HECW2: variants seen among roughly 807,000 people sequenced by gnomAD.
HECW2 encodes the protein HECT, C2 and WW domain containing E3 ubiquitin protein ligase 2.
HECW2 carries 61 observed loss-of-function variants against 175.2 expected under a neutral mutation model. That is an observed-to-expected ratio of 0.35 (90% CI 0.28 to 0.43). The LOEUF is 0.43. Among genes scored for constraint, HECW2 ranks in the 20% least tolerant of loss-of-function variants. The probability of loss-of-function intolerance (pLI) is 1.00; values close to 1 mark genes in which losing one functional copy is unlikely to be tolerated. For synonymous variants in HECW2, 671 were observed against 731.0 expected, an observed-to-expected ratio of 0.92 and a Z score of 1.32; for missense variants, 1,524 against 2,000.5, an observed-to-expected ratio of 0.76 and a Z score of 4.54.
At chr2:196,417,797 G>C (rs1373574402) in intron 2 of HECW2, among the ~76,000 whole-genome samples, 2 of 152,172 alleles carry the variant, frequency 1.3e-5, no homozygotes, top group East Asian at 1.9e-4. Flanking sequence ...AAAAGTGGCT[G>C]TCATGGAGCC....
intron 1 of HECW2, among the ~76,000 whole-genome samples, chr2:196,511,125 C>A (rs1237605305): frequency 3.9e-5 from 6 of 152,056 alleles, no homozygotes; most frequent in Non-Finnish European, 8.8e-5. Flanking sequence ...ACCAGCACAC[C>A]CAGCTAATTT....
chr2:196,527,025 T>C (rs1397309514), intron 1 of HECW2, among the ~76,000 whole-genome samples: 2 of 152,194 alleles, frequency 1.3e-5, no homozygotes, highest in Non-Finnish European at 2.9e-5. Context: ...GCTTCCCGGC[T>C]GCTTTGTTTA....
chr2:196,414,527 C>T (rs1695201462), intron 2 of HECW2, among the ~76,000 whole-genome samples: 1 of 152,182 alleles, frequency 6.6e-6, no homozygotes, highest in South Asian at 2.1e-4. Context: ...CTCTCTTTCC[C>T]TCAAAGGGGC....
In HECW2 at chr2:196,222,241, C is replaced by T. The variant is rs778155321; in HGVS notation, c.4116G>A (p.Thr1372=). The change falls in exon 24 of 29, where the codon ACG becomes ACA. Residue 1372 remains threonine (T), a synonymous_variant. Coordinates refer to ENST00000644978, the MANE Select transcript of HECW2 (RefSeq NM_001348768.2). Reference sequence around the variant, plus strand: ...CAAATACTTCTTCGTTCACAGTGAACGTGAGGTCTAGGATGTCATGGATAT... The same window carrying T: ...CAAATACTTCTTCGTTCACAGTGAATGTGAGGTCTAGGATGTCATGGATAT... ...DNDIHDILDL[T]FTVNEEVFGQ... 2.9e-5 allele frequency: 47 copies of T among 1,613,514 alleles called. No individual in the cohort carries two copies. The highest frequency in any genetic ancestry group is 1.6e-4 in the Middle Eastern group (1 of 6,078).
intron 1 of HECW2, among the ~76,000 whole-genome samples, chr2:196,531,253 T>C (rs191423988): frequency 1.3e-5 from 2 of 152,350 alleles, no homozygotes; most frequent in East Asian, 3.9e-4. Context: ...AATTCCAAAC[T>C]ATTTCAGGAG....
rs79913342 is a variant in HECW2, at chr2:196,207,861, A to G, written c.4608-6473T>C. On this transcript the variant is annotated intron_variant, in intron 28 of 28. Transcript: ENST00000644978. ...TGTAAATACAAAGTGGAATATTCCC[A>G]TAGGGGGGAATTCCTGTATCTGGGG... Among the ~76,000 whole-genome samples, 71 of 152,352 alleles carry G rather than the reference A, an allele frequency of 4.7e-4. 2 individuals are homozygous for G. In the East Asian group the frequency reaches 0.011, roughly 24 times the overall value.
chr2:196,267,053 T>C (rs1689545404), intron 17 of HECW2, among the ~76,000 whole-genome samples: 1 of 152,168 alleles, frequency 6.6e-6, no homozygotes, highest in Admixed American at 6.5e-5. Context: ...ACAGATCATG[T>C]CCTCATGGTG....
rs1686637189 is a variant in HECW2, at chr2:196,194,894, A to G, written c.*6383T>C. On this transcript the variant is annotated 3_prime_UTR_variant, in exon 29 of 29. Transcript: ENST00000644978. ...TAAAAAAATACACCACCTGTGTTCT[A>G]CTGAAATCTTAGAAATAATTTTTTT... 6.6e-6 allele frequency: 1 copy of G among 152,216 alleles called. No homozygotes were observed. Among genetic ancestry groups the G allele is most frequent in the Admixed American group, 6.5e-5 (1 of 15,282 alleles). 9.4% of individuals were successfully genotyped at this position (152,216 alleles called of 1,614,324 possible).
At chr2:196,234,699 A>T (rs1006826310) in intron 21 of HECW2, among the ~76,000 whole-genome samples, 1 of 150,476 alleles carries the variant, frequency 6.6e-6, no homozygotes, top group Non-Finnish European at 1.5e-5. Context: ...GCTGGAAAAT[A>T]CGTAGAATAA....
intron 14 of HECW2, among the ~76,000 whole-genome samples, chr2:196,284,942 G>A (rs1388888876): frequency 6.6e-6 from 1 of 152,126 alleles, no homozygotes; most frequent in Non-Finnish European, 1.5e-5. Context: ...CTAATGCTAA[G>A]TTTCATTAAG....
At chr2:196,531,794 C>T (rs1688849733) in intron 1 of HECW2, among the ~76,000 whole-genome samples, 1 of 152,158 alleles carries the variant, frequency 6.6e-6, no homozygotes, top group African/African-American at 2.4e-5. Flanking sequence ...ACTTCTTAGC[C>T]TCTGGATCAC....
intron 16 of HECW2, among the ~76,000 whole-genome samples, chr2:196,271,819 T>C (rs1689751164): frequency 6.6e-6 from 1 of 152,218 alleles, no homozygotes; most frequent in Non-Finnish European, 1.5e-5. Flanking sequence ...CTCAAAGTTA[T>C]AGTTTGGAAC....
At chr2:196,563,409 T>C in intron 1 of HECW2, among the ~76,000 whole-genome samples, 1 of 151,352 alleles carries the variant, frequency 6.6e-6, no homozygotes, top group East Asian at 1.9e-4. Flanking sequence ...CTACTAAAAA[T>C]TGAAAAATTA....
chr2:196,455,037 A>AT (rs758809824), intron 1 of HECW2, among the ~76,000 whole-genome samples: 8,978 of 143,364 alleles, frequency 0.063, 546 homozygotes, highest in African/African-American at 0.16. Flanking sequence ...CTTTTACTTA[A>AT]TTTTTTTTTT....
chr2:196,456,083 T>C (rs1575561048), intron 1 of HECW2, among the ~76,000 whole-genome samples: 1 of 152,242 alleles, frequency 6.6e-6, no homozygotes, highest in African/African-American at 2.4e-5. Context: ...TATTTCTAGA[T>C]ATGAAGGTCT....
chr2:196,216,074 C>T, intron 27 of HECW2, 97 bp from the exon 28 acceptor site: 2 of 787,762 alleles, frequency 2.5e-6, no homozygotes, highest in South Asian at 3.1e-5. Context: ...TGAGGAAGAG[C>T]AGGCAGGAAA....
intron 1 of HECW2, among the ~76,000 whole-genome samples, chr2:196,512,050 T>A (rs1219581777): frequency 1.3e-5 from 2 of 152,190 alleles, no homozygotes; most frequent in Admixed American, 1.3e-4. Context: ...CAAATTTCAT[T>A]GCCCACAAGG....
chr2:196,493,809 G>C (rs565754847), intron 1 of HECW2, among the ~76,000 whole-genome samples: 2 of 152,126 alleles, frequency 1.3e-5, no homozygotes, highest in African/African-American at 4.8e-5. Flanking sequence ...TGGGGGAGGA[G>C]GGAGAAGCCT....
At chr2:196,231,092 CAAAAAA>C (rs10653412) in intron 21 of HECW2, among the ~76,000 whole-genome samples, 24 of 55,326 alleles carry the variant, frequency 4.3e-4, no homozygotes, top group Admixed American at 1.4e-3. Flanking sequence ...GACTCCGTCT[CAAAAAA>C]AAAAAAAAAA....
Sources: allele counts gnomAD v4.1 joint callset (sites outside exome capture counted in the v4.1 genomes callset), GRCh38; gene constraint gnomAD v4.1.1; transcripts MANE v1.5; gene names NCBI Gene and HGNC (gene_info 2026-07-23, HGNC 2026-07-21).